Variants in SEMA5B observed in about 807,000 individuals in gnomAD.
SEMA5B encodes the protein semaphorin-5B.
SEMA5B carries 66 observed loss-of-function variants against 135.0 expected under a neutral mutation model. The ratio of observed to expected loss-of-function variants is 0.49; its 90% confidence interval spans 0.40 to 0.60. The LOEUF is 0.60. Among genes scored for constraint, SEMA5B ranks in the 20% least tolerant of loss-of-function variants. The probability of loss-of-function intolerance (pLI) is 0.00; values close to 1 mark genes in which losing one functional copy is unlikely to be tolerated. For missense variants in SEMA5B, 1,501 were observed against 1,566.3 expected (o/e 0.96, Z 0.70); for synonymous variants, 690 against 639.5 (o/e 1.08, Z -1.19).
chr3:122,990,554 C>A (rs1337311579), intron 1 of SEMA5B, among the ~76,000 whole-genome samples: 7 of 151,404 alleles, frequency 4.6e-5, no homozygotes, highest in Non-Finnish European at 5.9e-5. Flanking sequence ...CCTGCCCCCC[C>A]AAACTCACTG....
At chr3:122,922,971 A>G (rs1236356251) in intron 10 of SEMA5B, among the ~76,000 whole-genome samples, 1 of 152,200 alleles carries the variant, frequency 6.6e-6, no homozygotes, top group Non-Finnish European at 1.5e-5. Context: ...CCAGATAAGG[A>G]AAAGGAGACT....
chr3:123,006,180 C>A (rs1942304394), intron 1 of SEMA5B, among the ~76,000 whole-genome samples: 1 of 152,226 alleles, frequency 6.6e-6, no homozygotes, highest in Non-Finnish European at 1.5e-5. Context: ...ATCTTTGCGT[C>A]TCCAATGTCT....
chr3:123,011,235 C>T (rs896201854), intron 1 of SEMA5B, among the ~76,000 whole-genome samples: 6 of 152,240 alleles, frequency 3.9e-5, no homozygotes, highest in Admixed American at 2.6e-4. Flanking sequence ...GCCTTGGTTT[C>T]CCTATTCATG....
chr3:122,949,696 TA>T (rs1362115186), intron 2 of SEMA5B, among the ~76,000 whole-genome samples: 1 of 152,240 alleles, frequency 6.6e-6, no homozygotes, highest in Non-Finnish European at 1.5e-5. Flanking sequence ...AACATTATTG[TA>T]AAACCTCAGA....
intron 1 of SEMA5B, among the ~76,000 whole-genome samples, chr3:123,002,165 G>A (rs1478312204): frequency 3.3e-5 from 5 of 152,316 alleles, no homozygotes; most frequent in South Asian, 2.1e-4. Context: ...TGGGGAGAGA[G>A]CAAGGGAAGA....
chr3:122,975,996 C>T lies in SEMA5B; in HGVS notation c.-38-14695G>A, dbSNP rs1416964494. ...GAAACTCTTCATGTCATGCACTTGC[C>T]CACCTCGATCCCTTCGCTTCTGCTT... On this transcript the variant is annotated intron_variant, in intron 1 of 22. Transcript: ENST00000357599. 2.0e-6 allele frequency: 3 copies of T among 1,534,888 alleles called. No homozygotes were observed. In the African/African-American group the frequency reaches 4.1e-5, roughly 21 times the overall value.
chr3:122,981,982 A>G (rs888128110), intron 1 of SEMA5B, among the ~76,000 whole-genome samples: 2 of 152,188 alleles, frequency 1.3e-5, no homozygotes, highest in Admixed American at 6.5e-5. Flanking sequence ...GCCTCAAGTC[A>G]GGGCTGGAGT....
intron 20 of SEMA5B, 62 bp downstream of exon 20, chr3:122,911,858 G>A (rs1937731639): frequency 1.3e-6 from 2 of 1,514,704 alleles, no homozygotes; most frequent in African/African-American, 1.4e-5. Flanking sequence ...TTCAGAAGGA[G>A]AAGGAAGTTG....
At chr3:122,960,312 C>G (rs757203991) in intron 2 of SEMA5B, among the ~76,000 whole-genome samples, 1 of 152,108 alleles carries the variant, frequency 6.6e-6, no homozygotes, top group Non-Finnish European at 1.5e-5. Context: ...GCTTACAGGA[C>G]GGTGTGAATG....
At chr3:122,976,141 A>T in intron 1 of SEMA5B, 1 of 1,535,088 alleles carries the variant, frequency 6.5e-7, no homozygotes, top group Non-Finnish European at 8.7e-7. Context: ...ATACACTCTC[A>T]TCACTTCCTC....
At chr3:122,991,587 T>G (rs1941877947) in intron 1 of SEMA5B, among the ~76,000 whole-genome samples, 1 of 152,174 alleles carries the variant, frequency 6.6e-6, no homozygotes, top group Admixed American at 6.5e-5. Flanking sequence ...GTGCTGCTGT[T>G]GAGAAACCTT....
At chr3:122,968,772 G>A (rs895908121) in intron 1 of SEMA5B, among the ~76,000 whole-genome samples, 1 of 152,036 alleles carries the variant, frequency 6.6e-6, no homozygotes, top group Admixed American at 6.5e-5. Flanking sequence ...GCTGGGTTTG[G>A]TACCCATCAC....
intron 1 of SEMA5B, among the ~76,000 whole-genome samples, chr3:122,962,267 C>T (rs749272652): frequency 6.6e-6 from 1 of 152,218 alleles, no homozygotes; most frequent in Non-Finnish European, 1.5e-5. Flanking sequence ...TTCTGGCATC[C>T]AGAGACTCAT....
At position 122,996,615 on chromosome 3, in the gene SEMA5B, TTC is replaced by T. The variant is rs1304682413; in HGVS notation, c.-39+30847_-39+30848del. 3.9e-5 allele frequency among the ~76,000 whole-genome samples: 6 copies of T among 152,246 alleles called. No homozygotes were observed. The East Asian group carries it at 1.2e-3, about 29-fold the overall frequency. On this transcript the variant is annotated intron_variant, in intron 1 of 22. Transcript: ENST00000357599. ...TCCAGAATGTTCTTCAGCCATATTTTTCTCTTTTTGTCTTTCTAGCCTTCCTG... is the reference window on the plus strand; with the variant it reads ...TCCAGAATGTTCTTCAGCCATATTTTTCTTTTTGTCTTTCTAGCCTTCCTG...
intron 2 of SEMA5B, among the ~76,000 whole-genome samples, chr3:122,955,806 C>T (rs1373123928): frequency 6.6e-6 from 1 of 152,254 alleles, no homozygotes; most frequent in South Asian, 2.1e-4. Flanking sequence ...TATTAGTTTA[C>T]TAGTATATGT....
At position 122,943,468 on chromosome 3, in the gene SEMA5B, G is replaced by T; in HGVS notation, c.396C>A (p.Asp132Glu). 1 of 1,609,474 alleles carries T rather than the reference G, an allele frequency of 6.2e-7. No homozygotes were observed. The highest frequency in any genetic ancestry group is 8.5e-7 in the Non-Finnish European group (1 of 1,178,596). ...GARDFSQLAL[D>E]PSGNQLIVGA... ...CCACGATGAGCTGGTTCCCGGAGGG[G>T]TCCAAAGCCAGCTGGGAGAAATCCC... The change falls in exon 4 of 23, where the codon GAC becomes GAA. Residue 132 changes from aspartate (D) to glutamate (E), a missense_variant. By Grantham distance (45) the Asp-to-Glu change is conservative. This residue lies in a region of SEMA5B where 574 missense variants were observed against 684.7 expected (regional missense o/e 0.84). Transcript: ENST00000357599.
chr3:122,992,298 G>A (rs1560420597), intron 1 of SEMA5B, among the ~76,000 whole-genome samples: 1 of 152,250 alleles, frequency 6.6e-6, no homozygotes, highest in Non-Finnish European at 1.5e-5. Context: ...AAGGATCACA[G>A]AGACTTTTCA....
intron 1 of SEMA5B, among the ~76,000 whole-genome samples, chr3:123,024,682 G>A (rs531609305): frequency 8.5e-5 from 13 of 152,302 alleles, no homozygotes; most frequent in African/African-American, 2.9e-4. Flanking sequence ...CAGGTCAGAG[G>A]TAGAACCAGG....
intron 1 of SEMA5B, among the ~76,000 whole-genome samples, chr3:123,019,676 G>A (rs933693302): frequency 2.6e-5 from 4 of 152,220 alleles, no homozygotes; most frequent in Non-Finnish European, 4.4e-5. Flanking sequence ...TTACCAGGCC[G>A]TTGTATAGTA....
Sources: allele counts gnomAD v4.1 joint callset (sites outside exome capture counted in the v4.1 genomes callset), GRCh38; gene constraint gnomAD v4.1.1; regional missense constraint gnomAD v4.1.1; transcripts MANE v1.5; gene names NCBI Gene and HGNC (gene_info 2026-07-23, HGNC 2026-07-21).